TPH2: variants seen among roughly 807,000 people sequenced by gnomAD.
The protein encoded by TPH2 is tryptophan 5-hydroxylase 2.
Under a neutral mutation model 59.1 loss-of-function variants are expected in TPH2, and 27 were observed. That is an observed-to-expected ratio of 0.46 (90% CI 0.34 to 0.63). The LOEUF (loss-of-function observed/expected upper bound fraction) is 0.63, where lower values mean the gene tolerates loss of function less well. Ranked by LOEUF, TPH2 falls within the 30% of genes least tolerant of loss-of-function variation. TPH2 has a pLI of 0.01. For synonymous variants in TPH2, 220 were observed against 210.5 expected, an observed-to-expected ratio of 1.05 and a Z score of -0.39; for missense variants, 523 against 588.3, an observed-to-expected ratio of 0.89 and a Z score of 1.15.
intron 7 of TPH2, among the ~76,000 whole-genome samples, chr12:71,990,641 G>A (rs1364465317): frequency 2.0e-5 from 3 of 152,236 alleles, no homozygotes; most frequent in African/African-American, 7.2e-5. Flanking sequence ...GCCAAACACA[G>A]TGGGATAGAG....
chr12:72,013,061 C>T (rs369639435), intron 8 of TPH2, among the ~76,000 whole-genome samples: 20 of 152,216 alleles, frequency 1.3e-4, no homozygotes, highest in African/African-American at 4.6e-4. Context: ...TCGCCTATGT[C>T]GACATATTCT....
chr12:71,978,989 C>T lies in TPH2; in HGVS notation c.843C>T (p.Tyr281=). 1.2e-6 allele frequency: 2 copies of T among 1,614,064 alleles called. No homozygotes were observed. Among genetic ancestry groups the T allele is most frequent in the South Asian group, 1.1e-5 (1 of 91,066 alleles). ...SGFTVRPVAG[Y]LSPRDFLAGL... ...TCACGGTGAGGCCGGTGGCTGGATACCTGAGCCCACGAGACTTTCTGGCAG... is the reference window on the plus strand; with the variant it reads ...TCACGGTGAGGCCGGTGGCTGGATATCTGAGCCCACGAGACTTTCTGGCAG... Residue 281 remains tyrosine (Y), a synonymous_variant, in exon 7 of 11, where the codon TAC becomes TAT. Transcript: ENST00000333850.
At chr12:71,980,670 G>C (rs139189608) in intron 7 of TPH2, among the ~76,000 whole-genome samples, 1 of 152,074 alleles carries the variant, frequency 6.6e-6, no homozygotes, top group African/African-American at 2.4e-5. Context: ...TAGCCCAGAG[G>C]GTTTACCAAT....
intron 4 of TPH2, among the ~76,000 whole-genome samples, chr12:71,947,260 G>GGCCAGGTTTGATGTATTATTTAAA (rs1191977840): frequency 2.0e-5 from 3 of 152,036 alleles, no homozygotes; most frequent in Non-Finnish European, 4.4e-5. Flanking sequence ...CTGGGAATGT[G>GGCCAGGTTTGATGTATTATTTAAA]GCCAGGTTTG....
intron 9 of TPH2, among the ~76,000 whole-genome samples, chr12:72,023,594 C>T (rs1873483513): frequency 6.6e-6 from 1 of 151,992 alleles, no homozygotes; most frequent in African/African-American, 2.4e-5. Context: ...CTTTGGGAGG[C>T]TGAGGTGGGC....
intron 8 of TPH2, among the ~76,000 whole-genome samples, chr12:72,003,539 C>A (rs1872877543): frequency 2.6e-5 from 4 of 152,174 alleles, no homozygotes; most frequent in Admixed American, 2.6e-4. Context: ...ACTATTTTCA[C>A]CACTACCTTA....
rs749888376 is a variant in TPH2 at position 71,938,980 on chromosome 12, G to A, written c.-7G>A. On this transcript the variant is annotated 5_prime_UTR_variant, in exon 1 of 11. Coordinates refer to ENST00000333850, the MANE Select transcript of TPH2 (RefSeq NM_173353.4). ...TGCTGCAGAGAAAGAATATTACACC[G>A]GGATCCATGCAGCCAGCAATGATGA... 5 of 1,611,294 alleles carry A rather than the reference G, an allele frequency of 3.1e-6. No homozygotes were observed. The highest frequency in any genetic ancestry group is 4.2e-6 in the Non-Finnish European group (5 of 1,177,700).
intron 9 of TPH2, among the ~76,000 whole-genome samples, chr12:72,024,480 G>A (rs566447597): frequency 6.6e-6 from 1 of 152,228 alleles, no homozygotes; most frequent in African/African-American, 2.4e-5. Flanking sequence ...TCTATTTGGT[G>A]TTAATCTTAG....
At chr12:72,007,746 C>CTTT (rs529009995) in intron 8 of TPH2, among the ~76,000 whole-genome samples, 1 of 146,538 alleles carries the variant, frequency 6.8e-6, no homozygotes, top group African/African-American at 2.5e-5. Flanking sequence ...CTCACAAAAA[C>CTTT]TTTTTTTTTT....
chr12:71,948,992 T>A (rs1285288351), intron 4 of TPH2, among the ~76,000 whole-genome samples: 4 of 152,184 alleles, frequency 2.6e-5, no homozygotes, highest in African/African-American at 9.6e-5. Flanking sequence ...ACTAGAATTA[T>A]AAGAAGTCAG....
chr12:71,985,245 C>G (rs376602316), intron 7 of TPH2, among the ~76,000 whole-genome samples: 8 of 152,202 alleles, frequency 5.3e-5, no homozygotes, highest in Non-Finnish European at 1.0e-4. Context: ...GTAATGCCAG[C>G]ACCTGTGGCC....
At chr12:71,969,676 C>T (rs2139201541) in intron 5 of TPH2, among the ~76,000 whole-genome samples, 1 of 152,242 alleles carries the variant, frequency 6.6e-6, no homozygotes, top group South Asian at 2.1e-4. Context: ...AATACACATA[C>T]CTATAAACCT....
chr12:72,002,900 C>T lies in TPH2; in HGVS notation c.1068+8335C>T, dbSNP rs542377702. Among the ~76,000 whole-genome samples the T allele has an allele frequency of 7.9e-5, 12 of 151,924 alleles. No homozygotes were observed. The South Asian group carries it at 2.3e-3, about 29-fold the overall frequency. ...TGGGGCTTTTGGTGGTCATGAATCACGTGTATTTGAATTTTCAGGATAACC... is the reference window on the plus strand; with the variant it reads ...TGGGGCTTTTGGTGGTCATGAATCATGTGTATTTGAATTTTCAGGATAACC... On this transcript the variant is annotated intron_variant, in intron 8 of 10. Transcript: ENST00000333850.
intron 9 of TPH2, among the ~76,000 whole-genome samples, chr12:72,026,679 G>T (rs891146526): frequency 6.6e-6 from 1 of 152,164 alleles, no homozygotes; most frequent in African/African-American, 2.4e-5. Context: ...CAGAGTAAAT[G>T]CTGGACGTTG....
intron 5 of TPH2, among the ~76,000 whole-genome samples, chr12:71,966,551 A>G (rs974221446): frequency 6.6e-6 from 1 of 152,202 alleles, no homozygotes; most frequent in Non-Finnish European, 1.5e-5. Context: ...GCAGATAAAC[A>G]TCTCTTGAAT....
Position 71,939,072 on chromosome 12 carries a change from A to G in TPH2, c.86A>G (p.Gln29Arg). ...GATTCAGCAGTGCCCGAAGAGCATC[A>G]GCTACTTGGCAGCTCAACAGTGAGT... ...SLDSAVPEEH[Q>R]LLGSSTLNKP... Residue 29 changes from glutamine to arginine, a missense_variant, in exon 1 of 11, where the codon CAG (glutamine) becomes CGG (arginine). Coordinates refer to ENST00000333850, the MANE Select transcript of TPH2 (RefSeq NM_173353.4). 6.2e-7 allele frequency: 1 copy of G among 1,614,082 alleles called. No individual in the cohort carries two copies. Among genetic ancestry groups the G allele is most frequent in the Non-Finnish European group, 8.5e-7 (1 of 1,180,008 alleles).
intron 4 of TPH2, 72 bp from the exon 5 acceptor site, chr12:71,949,516 G>T: frequency 7.8e-7 from 1 of 1,283,946 alleles, no homozygotes; most frequent in Non-Finnish European, 1.1e-6. Flanking sequence ...ACACCACAGT[G>T]ATTTTCTTTT....
At chr12:72,023,747 C>G (rs1275779087) in intron 9 of TPH2, among the ~76,000 whole-genome samples, 5 of 147,354 alleles carry the variant, frequency 3.4e-5, no homozygotes, top group Non-Finnish European at 4.5e-5. Context: ...GCACTTGAAC[C>G]CAGGAGGCGG....
intron 5 of TPH2, among the ~76,000 whole-genome samples, chr12:71,950,567 TG>T (rs1871317969): frequency 6.6e-6 from 1 of 152,186 alleles, no homozygotes; most frequent in South Asian, 2.1e-4. Flanking sequence ...TGGTTAGGCC[TG>T]TGTTTGTTCT....
Sources: allele counts gnomAD v4.1 joint callset (sites outside exome capture counted in the v4.1 genomes callset), GRCh38; gene constraint gnomAD v4.1.1; transcripts MANE v1.5; gene names NCBI Gene and HGNC (gene_info 2026-07-23, HGNC 2026-07-21).